The following CTDP1 variants were observed in gnomAD, a reference collection of about 807,000 sequenced individuals.
CTDP1 encodes the protein RNA polymerase II subunit A C-terminal domain phosphatase.
CTDP1 carries 47 observed loss-of-function variants against 91.8 expected under a neutral mutation model. The ratio of observed to expected loss-of-function variants is 0.51; its 90% CI spans 0.41 to 0.65. The LOEUF is 0.65. Ranked by LOEUF, CTDP1 falls within the 30% of genes least tolerant of loss-of-function variation. CTDP1 has a pLI of 0.00. For synonymous variants in CTDP1, 656 were observed against 598.5 expected (o/e 1.10, Z -1.40); for missense variants, 1,272 against 1,373.7 (o/e 0.93, Z 1.17).
chr18:79,714,064 C>T (rs904319463), intron 7 of CTDP1, among the ~76,000 whole-genome samples: 1 of 149,500 alleles, frequency 6.7e-6, no homozygotes, highest in African/African-American at 2.5e-5. Context: ...GCCACGGTGG[C>T]GCCAGGTCTG....
intron 11 of CTDP1, among the ~76,000 whole-genome samples, chr18:79,730,095 T>C (rs895700450): frequency 3.3e-5 from 5 of 152,260 alleles, no homozygotes; most frequent in Admixed American, 6.5e-5. Flanking sequence ...TCATCACCTT[T>C]AGACGCCAGT....
At chr18:79,698,399 G>A (rs1377876481) in intron 4 of CTDP1, among the ~76,000 whole-genome samples, 1 of 152,200 alleles carries the variant, frequency 6.6e-6, no homozygotes. Flanking sequence ...GCAGGTGGAC[G>A]CCTGGGTTTG....
At chr18:79,734,514 G>A (rs1599296432) in intron 11 of CTDP1, among the ~76,000 whole-genome samples, 1 of 152,238 alleles carries the variant, frequency 6.6e-6, no homozygotes, top group Non-Finnish European at 1.5e-5. Flanking sequence ...AGCAGCACGG[G>A]GGCACGTGCC....
rs11549119 is a variant in CTDP1, at chr18:79,715,455, G to T, written c.1995G>T (p.Ala665=). The T allele has an allele frequency of 6.3e-7, 1 of 1,589,250 alleles. No individual in the cohort carries two copies. The highest frequency in any genetic ancestry group is 8.6e-7 in the Non-Finnish European group (1 of 1,168,380). Reference sequence around the variant, plus strand: ...ATTACCACGCCACGGCGCTGGGAGCGAAGATCCTCACTCGGCTGGTGCTGA... The same window carrying T: ...ATTACCACGCCACGGCGCTGGGAGCTAAGATCCTCACTCGGCTGGTGCTGA... The part of the protein sequence containing the change: ...REHYHATALG[A]KILTRLVLSP... Residue 665 remains alanine, a synonymous_variant, in exon 8 of 13, where the codon GCG becomes GCT. Coordinates refer to ENST00000613122, the MANE Select transcript of CTDP1 (RefSeq NM_004715.5).
upstream of CTDP1, chr18:79,678,181 T>C (rs192416223): frequency 8.5e-5 from 13 of 152,364 alleles, no homozygotes; most frequent in East Asian, 2.3e-3. Context: ...AATTTTTATC[T>C]GAGGAACGCG....
At chr18:79,704,962 C>CT in intron 5 of CTDP1, 45 bp downstream of exon 5, 1 of 1,609,800 alleles carries the variant, frequency 6.2e-7, no homozygotes, top group Non-Finnish European at 8.5e-7. Flanking sequence ...CAGTGGGTTT[C>CT]TTTCCTGTTT....
upstream of CTDP1, chr18:79,679,688 G>C (rs2085310985): frequency 3.7e-6 from 2 of 533,426 alleles, no homozygotes; most frequent in African/African-American, 3.8e-5. Context: ...TTCACGGCCG[G>C]CACGCAGGGT....
intron 11 of CTDP1, 63 bp from the exon 12 acceptor site, chr18:79,736,292 G>C: frequency 6.5e-7 from 1 of 1,546,234 alleles, no homozygotes; most frequent in Non-Finnish European, 8.7e-7. Flanking sequence ...GCCGGGAGAA[G>C]CCTGTTGCGG....
At chr18:79,685,149 G>T (rs112546796) in intron 1 of CTDP1, among the ~76,000 whole-genome samples, 120 of 152,120 alleles carry the variant, frequency 7.9e-4, no homozygotes, top group Non-Finnish European at 7.1e-4. Context: ...GGTTCTCTGC[G>T]TGCTGCTCTC....
At position 79,695,087 on chromosome 18, in the gene CTDP1, G is replaced by A. The variant is rs2085719966; in HGVS notation, c.315-138G>A. ...AGACAAAGAAATGCCCTCAAGGGGT[G>A]ATGTCACCTGCCTACAAAGTTATGC... On this transcript the variant is annotated intron_variant, in intron 1 of 12. Coordinates refer to ENST00000613122, the MANE Select transcript of CTDP1 (RefSeq NM_004715.5). 7.8e-6 allele frequency: 6 copies of A among 770,996 alleles called. No homozygotes were observed. The Admixed American group carries it at 1.0e-4, about 13-fold the overall frequency. 47.8% of individuals were successfully genotyped at this position (770,996 alleles called of 1,614,324 possible).
intron 12 of CTDP1, among the ~76,000 whole-genome samples, chr18:79,740,969 C>T (rs1314480214): frequency 6.6e-6 from 1 of 152,198 alleles, no homozygotes; most frequent in Non-Finnish European, 1.5e-5. Flanking sequence ...GTCTCCTGCA[C>T]AGGTTGGGTG....
intron 4 of CTDP1, among the ~76,000 whole-genome samples, chr18:79,704,256 G>A (rs1325563974): frequency 6.6e-6 from 1 of 152,208 alleles, no homozygotes; most frequent in Non-Finnish European, 1.5e-5. Context: ...AGGGTCAGGC[G>A]GACATGCGTC....
chr18:79,702,667 G>C (rs1348751521), intron 4 of CTDP1: 1 of 151,284 alleles, frequency 6.6e-6, no homozygotes, highest in Non-Finnish European at 1.5e-5. Context: ...GAGCCACCAC[G>C]CCCGGTGATT....
At position 79,728,987 on chromosome 18, in the gene CTDP1, G is replaced by A; in HGVS notation, c.2498G>A (p.Arg833Lys). The stretch of plus-strand genomic sequence containing the variant: ...GACGGAGAGCAGCCTGGCCCTTCTA[G>A]AAGAAAGCGACAGCCCAGTATGTCT... ...AQDGEQPGPS[R>K]RKRQPSMSET... Residue 833 changes from arginine (R) to lysine (K), a missense_variant, in exon 11 of 13, where the codon AGA (arginine) becomes AAA (lysine). By Grantham distance (26) the Arg-to-Lys change is conservative. Coordinates refer to ENST00000613122, the MANE Select transcript of CTDP1 (RefSeq NM_004715.5). The A allele has an allele frequency of 6.2e-7, 1 of 1,614,214 alleles. No homozygotes were observed. The highest frequency in any genetic ancestry group is 2.2e-5 in the East Asian group (1 of 44,876).
At chr18:79,732,452 T>A (rs2086585534) in intron 11 of CTDP1, among the ~76,000 whole-genome samples, 1 of 82,972 alleles carries the variant, frequency 1.2e-5, no homozygotes, top group African/African-American at 4.3e-5. Flanking sequence ...AGAACTCACA[T>A]CAGGAGTGCT....
At chr18:79,719,817 GTGA>G (rs2086298164) in intron 10 of CTDP1, among the ~76,000 whole-genome samples, 1 of 148,984 alleles carries the variant, frequency 6.7e-6, no homozygotes, top group South Asian at 2.2e-4. Context: ...TTGTGTCCTG[GTGA>G]TGATGTCATC....
chr18:79,705,975 C>T (rs577752846), intron 5 of CTDP1, among the ~76,000 whole-genome samples: 46 of 152,286 alleles, frequency 3.0e-4, no homozygotes, highest in Non-Finnish European at 6.3e-4. Context: ...CTCACTTCCT[C>T]GGGCCAGTGA....
chr18:79,688,139 G>A (rs2085545170), intron 1 of CTDP1, among the ~76,000 whole-genome samples: 1 of 152,246 alleles, frequency 6.6e-6, no homozygotes, highest in African/African-American at 2.4e-5. Context: ...TCTGGGCTCT[G>A]GGCGACTGAA....
chr18:79,737,021 G>A (rs2086684026), intron 12 of CTDP1, among the ~76,000 whole-genome samples: 1 of 152,242 alleles, frequency 6.6e-6, no homozygotes, highest in Non-Finnish European at 1.5e-5. Flanking sequence ...CATGTCGAGG[G>A]TGGTGCCTGA....
Sources: allele counts gnomAD v4.1 joint callset (sites outside exome capture counted in the v4.1 genomes callset), GRCh38; gene constraint gnomAD v4.1.1; transcripts MANE v1.5; gene names NCBI Gene and HGNC (gene_info 2026-07-23, HGNC 2026-07-21).